OR2L13: variants seen among roughly 807,000 people sequenced by gnomAD.
OR2L13 encodes the protein olfactory receptor family 2 subfamily L member 13.
In OR2L13, 14 loss-of-function variants were observed where a neutral mutation model predicts 15.3. The ratio of observed to expected loss-of-function variants is 0.91; its 90% CI spans 0.60 to 1.43. OR2L13 has a LOEUF of 1.43. OR2L13 is among the 40% of genes most tolerant of loss of function. The pLI, the probability that OR2L13 is intolerant of heterozygous loss-of-function variation, is 0.00. For missense variants in OR2L13, 367 were observed against 387.9 expected (o/e 0.95, Z 0.45); for synonymous variants, 152 against 142.9 (o/e 1.06, Z -0.45).
the OR2L13 span, among the ~76,000 whole-genome samples, chr1:248,087,143 T>G: frequency 6.6e-6 from 1 of 152,116 alleles, no homozygotes; most frequent in African/African-American, 2.4e-5. Flanking sequence ...AGTGTCTCTA[T>G]GTCCACAAGC....
At chr1:247,990,354 A>C in the OR2L13 span, 1 of 1,532,568 alleles carries the variant, frequency 6.5e-7, no homozygotes, top group Admixed American at 1.7e-5. Flanking sequence ...CTTCATTCTC[A>C]TTAATTTCGT....
At chr1:248,046,313 T>G in the OR2L13 span, among the ~76,000 whole-genome samples, 3 of 152,192 alleles carry the variant, frequency 2.0e-5, no homozygotes, top group African/African-American at 7.2e-5. Flanking sequence ...TAATTTCTAC[T>G]TATGTGTTTC....
the OR2L13 span, among the ~76,000 whole-genome samples, chr1:247,982,468 ATG>A: frequency 2.6e-5 from 4 of 152,322 alleles, no homozygotes; most frequent in Middle Eastern, 3.4e-3. Flanking sequence ...AAAGAGATCT[ATG>A]CAATGCAATG....
At chr1:248,021,109 G>C in the OR2L13 span, among the ~76,000 whole-genome samples, 4 of 152,000 alleles carry the variant, frequency 2.6e-5, no homozygotes, top group Admixed American at 1.3e-4. Flanking sequence ...CCATGCATTT[G>C]TTTTAAGCAT....
At chr1:248,100,141 T>C (rs1401325966) in exon 3 of OR2L13, 11 of 1,614,166 alleles carry the variant, frequency 6.8e-6, no homozygotes, top group Non-Finnish European at 9.3e-6. Context: ...ACCTTTTGTC[T>C]ACACCTATCT....
At chr1:248,057,070 T>C in the OR2L13 span, among the ~76,000 whole-genome samples, 24 of 152,276 alleles carry the variant, frequency 1.6e-4, no homozygotes, top group East Asian at 1.9e-3. Flanking sequence ...ATGCGATAGT[T>C]TTAGAGTAAG....
At chr1:247,954,819 A>G in the OR2L13 span, among the ~76,000 whole-genome samples, 1 of 152,106 alleles carries the variant, frequency 6.6e-6, no homozygotes, top group South Asian at 2.1e-4. Context: ...AAATTGCTAG[A>G]AAAAGATCAT....
chr1:248,033,339 C>G, the OR2L13 span, among the ~76,000 whole-genome samples: 37 of 152,024 alleles, frequency 2.4e-4, no homozygotes, highest in African/African-American at 8.7e-4. Context: ...AAAGACTGTC[C>G]CTTCCACATT....
chr1:248,048,946 CA>C, the OR2L13 span, among the ~76,000 whole-genome samples: 38 of 145,596 alleles, frequency 2.6e-4, no homozygotes. Flanking sequence ...TTGGTAAATC[CA>C]CACGTTTTCT....
At chr1:247,975,186 A>T in the OR2L13 span, 1 of 397,044 alleles carries the variant, frequency 2.5e-6, no homozygotes, top group African/African-American at 2.1e-5. Flanking sequence ...ATCTTGGATA[A>T]TGGGCTCTAT....
the OR2L13 span, chr1:248,045,819 A>G: frequency 6.6e-6 from 1 of 152,210 alleles, no homozygotes; most frequent in Admixed American, 6.5e-5. Context: ...GTTTACAACT[A>G]ATTGATCACA....
At chr1:248,037,922 A>T in the OR2L13 span, among the ~76,000 whole-genome samples, 2 of 152,198 alleles carry the variant, frequency 1.3e-5, no homozygotes, top group East Asian at 3.8e-4. Flanking sequence ...TTGATTTCCC[A>T]TGAAGCATTT....
the OR2L13 span, among the ~76,000 whole-genome samples, chr1:248,068,145 G>C: frequency 6.6e-6 from 1 of 152,172 alleles, no homozygotes; most frequent in African/African-American, 2.4e-5. Context: ...AGAGAGCAGT[G>C]GTTCTCCCAG....
chr1:248,052,088 A>AT, the OR2L13 span, among the ~76,000 whole-genome samples: 1 of 152,200 alleles, frequency 6.6e-6, no homozygotes, highest in East Asian at 1.9e-4. Flanking sequence ...GCAAGTTGAG[A>AT]AGCAGCTGTA....
At chr1:248,062,311 T>C in the OR2L13 span, 1 of 152,258 alleles carries the variant, frequency 6.6e-6, no homozygotes, top group Admixed American at 6.5e-5. Context: ...CATTTAGGTC[T>C]TTAACCTGTT....
the OR2L13 span, among the ~76,000 whole-genome samples, chr1:248,067,712 A>G: frequency 6.6e-6 from 1 of 152,236 alleles, no homozygotes; most frequent in African/African-American, 2.4e-5. Flanking sequence ...CTCAGGAAGC[A>G]CAAGGGGTCA....
At chr1:247,974,696 C>G in the OR2L13 span, 1 of 230,026 alleles carries the variant, frequency 4.3e-6, no homozygotes, top group South Asian at 8.6e-5. Flanking sequence ...GGAACTAATT[C>G]ACTTATCTTT....
the OR2L13 span, among the ~76,000 whole-genome samples, chr1:248,078,789 TAAA>T: frequency 6.6e-6 from 1 of 151,840 alleles, no homozygotes. Context: ...ATTCAGAAAA[TAAA>T]AAGAACAAAT....
chr1:247,972,284 A>C, the OR2L13 span, among the ~76,000 whole-genome samples: 1 of 152,158 alleles, frequency 6.6e-6, no homozygotes, highest in Non-Finnish European at 1.5e-5. Flanking sequence ...TTTAACTGAA[A>C]GAGATGGAGA....
Sources: allele counts gnomAD v4.1 joint callset (sites outside exome capture counted in the v4.1 genomes callset), GRCh38; gene constraint gnomAD v4.1.1; transcripts MANE v1.5; gene names NCBI Gene and HGNC (gene_info 2026-07-23, HGNC 2026-07-21).